KCNMB2: variants seen among roughly 807,000 people sequenced by gnomAD.
KCNMB2 encodes the protein potassium calcium-activated channel subfamily M regulatory beta subunit 2.
Under a neutral mutation model 24.5 loss-of-function variants are expected in KCNMB2, and 9 were observed. The observed-to-expected ratio is 0.37, with a 90% CI of 0.22 to 0.64. The LOEUF is 0.64. KCNMB2 is among the 30% of genes least tolerant of loss of function. The probability of loss-of-function intolerance (pLI) is 0.63; values close to 1 mark genes in which losing one functional copy is unlikely to be tolerated. For missense variants in KCNMB2, 226 were observed against 284.3 expected, an observed-to-expected ratio of 0.79 and a Z score of 1.47; for synonymous variants, 109 against 104.4, an observed-to-expected ratio of 1.04 and a Z score of -0.27.
At chr3:178,839,157 A>G (rs907123411) in intron 4 of KCNMB2, among the ~76,000 whole-genome samples, 1 of 148,100 alleles carries the variant, frequency 6.8e-6, no homozygotes, top group Admixed American at 6.8e-5. Context: ...TCTCCCAGAA[A>G]AGTGATTTAA....
At chr3:178,800,430 C>T (rs1241044183) in intron 1 of KCNMB2, among the ~76,000 whole-genome samples, 1 of 152,100 alleles carries the variant, frequency 6.6e-6, no homozygotes, top group Non-Finnish European at 1.5e-5. Flanking sequence ...AAAAGGTGCT[C>T]AACATCATTG....
chr3:178,592,727 G>A (rs182581655), intron 1 of KCNMB2, among the ~76,000 whole-genome samples: 120 of 152,122 alleles, frequency 7.9e-4, no homozygotes, highest in African/African-American at 2.5e-3. Context: ...TTTGTTTTAC[G>A]AGAGTCATTC....
intron 1 of KCNMB2, among the ~76,000 whole-genome samples, chr3:178,564,233 G>A (rs554966258): frequency 9.9e-5 from 15 of 151,832 alleles, no homozygotes; most frequent in East Asian, 9.7e-4. Context: ...AGTCGAGGTC[G>A]TGCCAGTGCA....
At chr3:178,693,653 T>A (rs960775949) in intron 1 of KCNMB2, among the ~76,000 whole-genome samples, 1 of 152,190 alleles carries the variant, frequency 6.6e-6, no homozygotes, top group African/African-American at 2.4e-5. Context: ...TGTTTGCCAG[T>A]ATTTTGCTGA....
chr3:178,652,000 C>T (rs1720138243), intron 1 of KCNMB2, among the ~76,000 whole-genome samples: 1 of 152,164 alleles, frequency 6.6e-6, no homozygotes, highest in Admixed American at 6.5e-5. Flanking sequence ...CCATTCAGGA[C>T]ATAGGCATGG....
chr3:178,696,241 C>T (rs1004905447), intron 1 of KCNMB2, among the ~76,000 whole-genome samples: 1 of 152,174 alleles, frequency 6.6e-6, no homozygotes, highest in Admixed American at 6.5e-5. Context: ...TTAATTATCT[C>T]CACCTGGCCC....
chr3:178,589,934 A>G (rs1717598268), intron 1 of KCNMB2, among the ~76,000 whole-genome samples: 1 of 152,222 alleles, frequency 6.6e-6, no homozygotes, highest in South Asian at 2.1e-4. Context: ...CCCCTAAAGA[A>G]AGTCGTAACA....
chr3:178,700,661 T>C (rs2108339509), intron 1 of KCNMB2, among the ~76,000 whole-genome samples: 1 of 152,350 alleles, frequency 6.6e-6, no homozygotes, highest in Middle Eastern at 3.4e-3. Context: ...AGGAAGAGAT[T>C]TGAGAAGATA....
At chr3:178,825,440 G>A (rs1448047893) in intron 2 of KCNMB2, 148 bp from the exon 3 acceptor site, 3 of 594,020 alleles carry the variant, frequency 5.1e-6, no homozygotes, top group Non-Finnish European at 9.0e-6. Context: ...GTGTGCTTGT[G>A]TGGGAGGTAG....
intron 1 of KCNMB2, among the ~76,000 whole-genome samples, chr3:178,804,096 A>G (rs1295591572): frequency 2.6e-5 from 4 of 152,226 alleles, no homozygotes; most frequent in Admixed American, 6.5e-5. Flanking sequence ...TTCAGCCACT[A>G]TACAACGCAG....
At chr3:178,815,871 A>G (rs560888735) in intron 2 of KCNMB2, among the ~76,000 whole-genome samples, 2 of 152,156 alleles carry the variant, frequency 1.3e-5, no homozygotes, top group Non-Finnish European at 2.9e-5. Context: ...AGTTCCTGGG[A>G]TAACCACAGC....
At position 178,552,648 on chromosome 3, in the gene KCNMB2, C is replaced by T. The variant is rs556139024; in HGVS notation, c.-68+15937C>T. Among the ~76,000 whole-genome samples the T allele has an allele frequency of 2.6e-5, 4 of 152,208 alleles. No homozygotes were observed. The East Asian group carries it at 7.7e-4, about 29-fold the overall frequency. ...GAATTTAGACCATAGTTCTTTCCATCTCTATTAGTTTGTTAAATATATATT... is the reference window on the plus strand; with the variant it reads ...GAATTTAGACCATAGTTCTTTCCATTTCTATTAGTTTGTTAAATATATATT... On this transcript the variant is annotated intron_variant, in intron 1 of 4. Transcript: ENST00000452583.
intron 4 of KCNMB2, among the ~76,000 whole-genome samples, chr3:178,831,406 A>T (rs1024153794): frequency 2.6e-5 from 4 of 152,192 alleles, no homozygotes; most frequent in Non-Finnish European, 4.4e-5. Context: ...ATATACCCTG[A>T]ACAATACAAA....
chr3:178,725,235 T>C (rs181054556), intron 1 of KCNMB2, among the ~76,000 whole-genome samples: 95 of 152,192 alleles, frequency 6.2e-4, no homozygotes, highest in African/African-American at 2.2e-3. Flanking sequence ...TCCATCTCTT[T>C]GGTTACATGT....
intron 1 of KCNMB2, among the ~76,000 whole-genome samples, chr3:178,616,333 G>A (rs559870851): frequency 1.3e-5 from 2 of 152,336 alleles, no homozygotes; most frequent in South Asian, 4.1e-4. Context: ...AGGTTTTCAG[G>A]CACTGAAGTT....
At position 178,538,843 on chromosome 3, in the gene KCNMB2, A is replaced by G. The variant is rs919867493; in HGVS notation, c.-68+2132A>G. ...TAATTTAGTCAAAACAATCTACTTT[A>G]TATCACAAATTAATTTTATTGCCTG... is the stretch of plus-strand genomic sequence containing the variant. On this transcript the variant is annotated intron_variant, in intron 1 of 4. Transcript: ENST00000452583. Among the ~76,000 whole-genome samples the G allele has an allele frequency of 4.6e-5, 7 of 152,326 alleles. No individual in the cohort carries two copies. The South Asian group carries it at 1.0e-3, about 23-fold the overall frequency.
intron 1 of KCNMB2, among the ~76,000 whole-genome samples, chr3:178,592,805 T>A (rs985726682): frequency 6.6e-6 from 1 of 152,026 alleles, no homozygotes; most frequent in African/African-American, 2.4e-5. Context: ...AAAGTGAAGG[T>A]TTCTATGGAA....
intron 1 of KCNMB2, among the ~76,000 whole-genome samples, chr3:178,689,995 T>C (rs1355361122): frequency 6.6e-6 from 1 of 152,204 alleles, no homozygotes; most frequent in Non-Finnish European, 1.5e-5. Flanking sequence ...ATTGTGCAAA[T>C]TTGAAATAGT....
intron 1 of KCNMB2, among the ~76,000 whole-genome samples, chr3:178,649,087 T>C (rs1720017825): frequency 6.6e-6 from 1 of 152,208 alleles, no homozygotes; most frequent in Non-Finnish European, 1.5e-5. Context: ...TGTAATTCCC[T>C]ATATGATTTA....
Sources: gnomAD v4.1 joint callset for allele counts (sites outside exome capture counted in the v4.1 genomes callset) on GRCh38, gnomAD v4.1.1 for gene constraint, MANE v1.5 for transcripts, NCBI Gene and HGNC (gene_info 2026-07-23, HGNC 2026-07-21) for gene names.